UGT2A2: variants seen among roughly 807,000 people sequenced by gnomAD.
UGT2A2 encodes UDP glucuronosyltransferase family 2 member A2.
In UGT2A2, 60 loss-of-function variants were observed where a neutral mutation model predicts 50.7. That is an observed-to-expected ratio of 1.18 (90% CI 0.96 to 1.47). The LOEUF (loss-of-function observed/expected upper bound fraction) is 1.47. Among genes scored for constraint, UGT2A2 ranks in the 40% most tolerant of loss-of-function variants. UGT2A2 has a pLI of 0.00. For synonymous variants in UGT2A2, 242 were observed against 214.6 expected (o/e 1.13, Z -1.11); for missense variants, 762 against 634.0 (o/e 1.20, Z -2.17).
At chr4:69,621,804 T>C (rs924360786) in intron 1 of UGT2A2, among the ~76,000 whole-genome samples, 1 of 151,940 alleles carries the variant, frequency 6.6e-6, no homozygotes, top group Non-Finnish European at 1.5e-5. Context: ...ATATGCATCA[T>C]AGAAAACTAC....
At position 69,594,683 on chromosome 4, in the gene UGT2A2, G is replaced by C. The variant is rs750500169; in HGVS notation, c.1125C>G (p.Thr375=). Residue 375 remains threonine (T), a synonymous_variant, in exon 5 of 6, where the codon ACC becomes ACG. Coordinates refer to ENST00000604629, the MANE Select transcript of UGT2A2 (RefSeq NM_001105677.2). ...TTCCACCATGAGTGATAAAAGCTTT[G>C]GTTTTGGGATGTCCTAATTTGAGGA... ...PQNDLLGHPK[T]KAFITHGGTN... is the part of the protein sequence containing the mutation. 6.9e-5 allele frequency: 112 copies of C among 1,613,536 alleles called. No individual in the cohort carries two copies. Among genetic ancestry groups the C allele is most frequent in the Non-Finnish European group, 9.5e-5 (112 of 1,179,734 alleles).
At position 69,638,978 on chromosome 4, in the gene UGT2A2, A is replaced by G. The variant is rs561867433; in HGVS notation, c.663T>C (p.Asn221=). The G allele has an allele frequency of 5.6e-6, 9 of 1,613,054 alleles. No homozygotes were observed. The South Asian group carries it at 9.9e-5, about 18-fold the overall frequency. The change falls in exon 1 of 6, where the codon AAT becomes AAC. Residue 221 remains asparagine, a synonymous_variant. Coordinates refer to ENST00000604629, the MANE Select transcript of UGT2A2 (RefSeq NM_001105677.2). The stretch of plus-strand genomic sequence containing the variant: ...AGTCTTGCAGAGAATAAGATATGGT[A>G]TTTTTAATCCTTTCACCAAAGGTCA... ...DQMTFGERIK[N]TISYSLQDYI...
chr4:69,611,756 A>G (rs1421441317), intron 1 of UGT2A2, among the ~76,000 whole-genome samples: 1 of 152,174 alleles, frequency 6.6e-6, no homozygotes, highest in Non-Finnish European at 1.5e-5. Flanking sequence ...AAGTAAAAAC[A>G]TGAATTCTGA....
rs571556296 is a variant in UGT2A2 at position 69,638,978 on chromosome 4, AT to A, written c.662del (p.Asn221IlefsTer27). ...AGTCTTGCAGAGAATAAGATATGGT[AT>A]TTTTAATCCTTTCACCAAAGGTCAT... ...DQMTFGERIK[N>X]TISYSLQDYI... On this transcript the variant is annotated frameshift_variant, in exon 1 of 6. Coordinates refer to ENST00000604629, the MANE Select transcript of UGT2A2 (RefSeq NM_001105677.2). LOFTEE classifies it high-confidence loss of function. 1.3e-4 allele frequency: 212 copies of A among 1,613,052 alleles called. 2 individuals are homozygous for A. In the African/African-American group the frequency reaches 2.5e-3, roughly 19 times the overall value.
Position 69,596,389 on chromosome 4 carries a change from C to T in UGT2A2, c.892-8G>A, listed in dbSNP as rs779749300. 1.3e-6 allele frequency: 2 copies of T among 1,561,878 alleles called. No individual in the cohort carries two copies. Among genetic ancestry groups the T allele is most frequent in the East Asian group, 2.3e-5 (1 of 43,340 alleles). On this transcript the variant is annotated splice_polypyrimidine_tract_variant and splice_region_variant and intron_variant, in intron 2 of 5. Transcript: ENST00000604629. The stretch of plus-strand genomic sequence containing the variant: ...GATAAATTCTTCCATTTCCTGCATA[C>T]ATAATATATTTTCTATTACAAAGGT...
Position 69,596,270 on chromosome 4 carries a change from G to C in UGT2A2, c.1003C>G (p.Leu335Val). The change falls in exon 3 of 6, where the codon CTT (leucine) becomes GTT (valine). Residue 335 changes from leucine (L) to valine (V), a missense_variant. Coordinates refer to ENST00000604629, the MANE Select transcript of UGT2A2 (RefSeq NM_001105677.2). The part of the protein sequence containing the change: ...EEKANLIASA[L>V]AQIPQKVLWR... ...CTGACCTTCTGTGGAATCTGGGCAAGGGCTGAGGCAATAAGATTGGCCTTT... is the reference window on the plus strand; with the variant it reads ...CTGACCTTCTGTGGAATCTGGGCAACGGCTGAGGCAATAAGATTGGCCTTT... 1 of 1,600,312 alleles carries C rather than the reference G, an allele frequency of 6.2e-7. No homozygotes were observed. The highest frequency in any genetic ancestry group is 8.5e-7 in the Non-Finnish European group (1 of 1,172,394).
chr4:69,627,134 C>T (rs995394164), intron 1 of UGT2A2, among the ~76,000 whole-genome samples: 1 of 151,846 alleles, frequency 6.6e-6, no homozygotes, highest in Non-Finnish European at 1.5e-5. Flanking sequence ...TACTGACACA[C>T]ACATAAACAT....
At chr4:69,590,999 C>T (rs1003059018) in intron 5 of UGT2A2, among the ~76,000 whole-genome samples, 5 of 152,034 alleles carry the variant, frequency 3.3e-5, no homozygotes, top group African/African-American at 7.2e-5. Flanking sequence ...CTACACTATA[C>T]CTTGTGTTCC....
Position 69,639,103 on chromosome 4 carries a change from A to G in UGT2A2, c.538T>C (p.Leu180=), listed in dbSNP as rs765280499. 18 of 1,613,442 alleles carry G rather than the reference A, an allele frequency of 1.1e-5. 1 individual carries two copies. The Admixed American group carries it at 1.5e-4, about 13-fold the overall frequency. Residue 180 remains leucine (L), a synonymous_variant, in exon 1 of 6, where the codon TTG becomes CTG. Coordinates refer to ENST00000604629, the MANE Select transcript of UGT2A2 (RefSeq NM_001105677.2). ...LKLGIPFMYT[L]RFSPASTVER... is the part of the protein sequence containing the mutation. ...ACTGTTGATGCTGGAGAGAACCTCA[A>G]TGTGTACATAAATGGAATTCCTAAT...
In UGT2A2 at chr4:69,595,456, T is replaced by A. The variant is rs537577553; in HGVS notation, c.1024-207A>T. Among the ~76,000 whole-genome samples the A allele has an allele frequency of 1.6e-3, 240 of 152,332 alleles. 4 individuals carry two copies. The South Asian group carries it at 0.023, about 14-fold the overall frequency. Reference sequence around the variant, plus strand: ...ACTAATAGTCTACCAAGTATAGTATTATTGTTTTGATATTTATCACTTAAA... The same window carrying A: ...ACTAATAGTCTACCAAGTATAGTATAATTGTTTTGATATTTATCACTTAAA... On this transcript the variant is annotated intron_variant, in intron 3 of 5. Transcript: ENST00000604629.
At chr4:69,618,213 G>GTT (rs1340015123) in intron 1 of UGT2A2, among the ~76,000 whole-genome samples, 9 of 98,276 alleles carry the variant, frequency 9.2e-5, no homozygotes, top group East Asian at 3.7e-4. Context: ...GTGTGTGTGT[G>GTT]TGTATGTTTG....
At chr4:69,623,674 A>G (rs1720881746) in intron 1 of UGT2A2, among the ~76,000 whole-genome samples, 1 of 151,436 alleles carries the variant, frequency 6.6e-6, no homozygotes. Context: ...ATTCTATAGT[A>G]ATATTTAATT....
chr4:69,597,993 ATG>A, intron 2 of UGT2A2, among the ~76,000 whole-genome samples: 1 of 152,226 alleles, frequency 6.6e-6, no homozygotes, highest in South Asian at 2.1e-4. Flanking sequence ...ATATGTGTAT[ATG>A]TGTGTGTTTG....
At position 69,602,360 on chromosome 4, in the gene UGT2A2, G is replaced by A. The variant is rs963346339; in HGVS notation, c.743-2966C>T. ...ATAGTAAGAGCATTCTTATCAAGAC[G>A]AAAAAAAGTCAGTGGTATGTACTAA... On this transcript the variant is annotated intron_variant, in intron 1 of 5. Transcript: ENST00000604629. Among the ~76,000 whole-genome samples the A allele has an allele frequency of 2.9e-5, 4 of 136,596 alleles. 1 individual carries two copies. Among genetic ancestry groups the A allele is most frequent in the Admixed American group, 2.1e-4 (3 of 13,982 alleles). The allele number at this position is 136,596 out of a possible 152,430, so 89.6% of individuals were successfully genotyped here.
rs764083913 is a variant in UGT2A2 at position 69,599,226 on chromosome 4, C to A, written c.891+20G>T. 40 of 1,588,470 alleles carry A rather than the reference C, an allele frequency of 2.5e-5. No homozygotes were observed. The highest frequency in any genetic ancestry group is 3.4e-4 in the Middle Eastern group (2 of 5,966). On this transcript the variant is annotated intron_variant, in intron 2 of 5. Transcript: ENST00000604629. ...ATTTTATTATGAAGAGCATAAAATCCTCCACTGTTGTAGACCTACCTTAGG... is the reference window on the plus strand; with the variant it reads ...ATTTTATTATGAAGAGCATAAAATCATCCACTGTTGTAGACCTACCTTAGG...
chr4:69,589,743 TAAG>T lies in UGT2A2; in HGVS notation c.1332-95_1332-93del. ...GTGATACACTTTTGCTCTACAAGTT[TAAG>T]GCCATAGTTACGTGGAGAAAATATA... On this transcript the variant is annotated intron_variant, in intron 5 of 5. Coordinates refer to ENST00000604629, the MANE Select transcript of UGT2A2 (RefSeq NM_001105677.2). 3.3e-6 allele frequency: 5 copies of T among 1,495,910 alleles called. 1 individual carries two copies. The South Asian group carries it at 6.8e-5, about 20-fold the overall frequency. The allele number at this position is 1,495,910 out of a possible 1,614,324, so 92.7% of individuals were successfully genotyped here.
At chr4:69,611,983 C>T (rs1460637733) in intron 1 of UGT2A2, among the ~76,000 whole-genome samples, 1 of 151,900 alleles carries the variant, frequency 6.6e-6, no homozygotes, top group Non-Finnish European at 1.5e-5. Flanking sequence ...TGACTTGTCC[C>T]TGTGTGGAAG....
At chr4:69,599,037 AT>A (rs1719098887) in intron 2 of UGT2A2, among the ~76,000 whole-genome samples, 1 of 152,150 alleles carries the variant, frequency 6.6e-6, no homozygotes, top group South Asian at 2.1e-4. Context: ...CACAGCTTTA[AT>A]CATTTTATTC....
Position 69,639,358 on chromosome 4 carries a change from A to C in UGT2A2, c.283T>G (p.Leu95Val), listed in dbSNP as rs759572252. The C allele has an allele frequency of 1.9e-5, 30 of 1,613,748 alleles. No homozygotes were observed. The Admixed American group carries it at 5.0e-4, about 27-fold the overall frequency. Residue 95 changes from leucine to valine, a missense_variant, in exon 1 of 6, where the codon TTA becomes GTA. By Grantham distance (32) the Leu-to-Val change is conservative. Transcript: ENST00000604629. ...CACAGCATTATCATATGCTCAATTAAGGAATCTATATTGCTCTTCTTGTAG... is the reference window on the plus strand; with the variant it reads ...CACAGCATTATCATATGCTCAATTACGGAATCTATATTGCTCTTCTTGTAG... ...VSYKKSNIDS[L>V]IEHMIMLWID...
Sources: gnomAD v4.1 joint callset for allele counts (sites outside exome capture counted in the v4.1 genomes callset) on GRCh38, gnomAD v4.1.1 for gene constraint, MANE v1.5 for transcripts, NCBI Gene and HGNC (gene_info 2026-07-23, HGNC 2026-07-21) for gene names.